Variants in KIAA1210 observed in about 807,000 individuals in gnomAD.
The protein encoded by KIAA1210 is KIAA1210.
KIAA1210 carries 48 observed loss-of-function variants against 78.9 expected under a neutral mutation model. That is an observed-to-expected ratio of 0.61 (90% confidence interval 0.48 to 0.77). KIAA1210 has a LOEUF of 0.77. KIAA1210 is among the 30% of genes least tolerant of loss of function. The pLI is 0.00. For synonymous variants in KIAA1210, 406 were observed against 404.5 expected (o/e 1.00, Z -0.04); for missense variants, 1,108 against 1,100.0 (o/e 1.01, Z -0.10).
intron 10 of KIAA1210, among the ~76,000 whole-genome samples, chrX:119,084,645 T>C (rs1471053181): frequency 9.0e-6 from 1 of 110,589 alleles, no homozygotes; most frequent in Non-Finnish European, 1.9e-5. Context: ...GGATGAGGGA[T>C]AAAATACTAT....
upstream of KIAA1210, among the ~76,000 whole-genome samples, chrX:119,129,178 A>G (rs950195758): frequency 8.9e-6 from 1 of 111,829 alleles, no homozygotes; most frequent in South Asian, 3.8e-4. Context: ...CTGTTGGATC[A>G]GATGTGGTGT....
rs767706362 is a variant in KIAA1210 at position 119,085,507 on chromosome X, T to C, written c.4196A>G (p.Glu1399Gly). 6 of 1,210,007 alleles carry C rather than the reference T, an allele frequency of 5.0e-6. No individual in the cohort carries two copies. In the East Asian group the frequency reaches 1.8e-4, roughly 36 times the overall value. Reference sequence around the variant, plus strand: ...CTTTGCCATAGTTATCCAAACCGGCTCTGAGACAGCATAATCTGACTGTTG... The same window carrying C: ...CTTTGCCATAGTTATCCAAACCGGCCCTGAGACAGCATAATCTGACTGTTG... ...AGQQSDYAVS[E>G]PVWITMAKQK... Residue 1399 changes from glutamate (E) to glycine (G), a missense_variant, in exon 10 of 12, where the codon GAG (glutamate) becomes GGG (glycine). Physicochemically the swap from Glu to Gly is moderately conservative, Grantham distance 98 (BLOSUM62 -2). Transcript: ENST00000691062.
intron 1 of KIAA1210, among the ~76,000 whole-genome samples, chrX:119,126,943 G>T: frequency 9.0e-6 from 1 of 111,274 alleles, no homozygotes; most frequent in Non-Finnish European, 1.9e-5. Context: ...ATGTGGTGGT[G>T]CATGCCTGTA....
chrX:119,106,305 A>G (rs1188140103), intron 5 of KIAA1210, among the ~76,000 whole-genome samples: 2 of 112,580 alleles, frequency 1.8e-5, no homozygotes, highest in Non-Finnish European at 3.7e-5. Context: ...GAAGCCTCAC[A>G]ACAATTCTTT....
At chrX:119,150,537 C>T (rs1465199211) in exon 1 of KIAA1210, 32 of 1,209,939 alleles carry the variant, frequency 2.6e-5, no homozygotes, top group Non-Finnish European at 3.5e-5. Flanking sequence ...AGGAGAGAAG[C>T]GTGAAAGGCA....
chrX:119,125,735 ATTT>A (rs1163974116), intron 1 of KIAA1210, among the ~76,000 whole-genome samples: 192 of 15,771 alleles, frequency 0.012, 7 homozygotes, highest in Admixed American at 0.02. Flanking sequence ...ATATATATAT[ATTT>A]TTTTTTTTTT....
chrX:119,085,413 G>C lies in KIAA1210; in HGVS notation c.4290C>G (p.Ala1430=), dbSNP rs371643117. Residue 1430 remains alanine (A), a synonymous_variant, in exon 10 of 12, where the codon GCC becomes GCG. Transcript: ENST00000691062. ...KELKTKSNAG[A]DAETKEPKYE... is the part of the protein sequence containing the mutation. The stretch of plus-strand genomic sequence containing the variant: ...ATTTAGGCTCCTTAGTCTCAGCATC[G>C]GCTCCAGCATTGCTCTTAGTTTTCA... 3 of 1,209,108 alleles carry C rather than the reference G, an allele frequency of 2.5e-6. No homozygotes were observed. The highest frequency in any genetic ancestry group is 3.5e-5 in the South Asian group (2 of 56,479).
chrX:119,140,804 G>A (rs1212868192), intron 2 of KIAA1210, among the ~76,000 whole-genome samples: 1 of 111,095 alleles, frequency 9.0e-6, no homozygotes, highest in Non-Finnish European at 1.9e-5. Flanking sequence ...GCTGGGCATG[G>A]TGGCACATGC....
chrX:119,138,225 T>G (rs886820149), intron 2 of KIAA1210, among the ~76,000 whole-genome samples: 2 of 88,703 alleles, frequency 2.3e-5, no homozygotes, highest in Admixed American at 2.4e-4. Flanking sequence ...TTTTTTTTTT[T>G]TTTTTTTTTT....
chrX:119,145,622 G>A (rs1041560749), intron 2 of KIAA1210, among the ~76,000 whole-genome samples: 1 of 111,298 alleles, frequency 9.0e-6, no homozygotes, highest in Non-Finnish European at 1.9e-5. Flanking sequence ...ACATCCAGCT[G>A]TTAAGAGAAC....
chrX:119,150,641 T>A, upstream of KIAA1210: 1 of 1,098,217 alleles, frequency 9.1e-7, no homozygotes. Context: ...AGAAGCTGGG[T>A]TGAGGACTCT....
rs1309053926 is a variant in KIAA1210, at chrX:119,082,806, C to A, written c.4426+209G>T. ...TGATGAGGCAAAAGACTGGAAGACC[C>A]TCTGAAAGTTATACACTGGACTTGT... is the stretch of plus-strand genomic sequence containing the variant. On this transcript the variant is annotated intron_variant, in intron 11 of 11. Coordinates refer to ENST00000691062, the MANE Select transcript of KIAA1210 (RefSeq NM_001394962.1). Among the ~76,000 whole-genome samples, 5 of 111,910 alleles carry A rather than the reference C, an allele frequency of 4.5e-5. No homozygotes were observed. The East Asian group carries it at 1.4e-3, about 31-fold the overall frequency.
At chrX:119,129,178 A>T (rs950195758), upstream of KIAA1210, among the ~76,000 whole-genome samples, 1 of 111,829 alleles carries the variant, frequency 8.9e-6, no homozygotes, top group African/African-American at 3.2e-5. Flanking sequence ...CTGTTGGATC[A>T]GATGTGGTGT....
intron 2 of KIAA1210, among the ~76,000 whole-genome samples, chrX:119,122,717 C>T (rs1928506456): frequency 1.8e-5 from 2 of 111,854 alleles, no homozygotes; most frequent in African/African-American, 6.5e-5. Context: ...CTTTTTCTCT[C>T]TGTCTCTCTC....
At chrX:119,085,073 A>T (rs761542272) in intron 10 of KIAA1210, among the ~76,000 whole-genome samples, 1 of 111,866 alleles carries the variant, frequency 8.9e-6, no homozygotes, top group African/African-American at 3.3e-5. Context: ...GTAAAGATGG[A>T]GTTTCAGCAT....
At chrX:119,126,658 C>T (rs1928655198) in intron 1 of KIAA1210, among the ~76,000 whole-genome samples, 2 of 112,015 alleles carry the variant, frequency 1.8e-5, no homozygotes, top group African/African-American at 6.5e-5. Flanking sequence ...CAGGAGAGCC[C>T]ACATCAATGG....
upstream of KIAA1210, among the ~76,000 whole-genome samples, chrX:119,150,815 C>G (rs1349995484): frequency 8.9e-6 from 1 of 112,811 alleles, no homozygotes; most frequent in African/African-American, 3.2e-5. Context: ...TTCCTCGCCG[C>G]CCGTTTTTGC....
intron 2 of KIAA1210, among the ~76,000 whole-genome samples, chrX:119,119,034 A>G (rs927559788): frequency 8.9e-6 from 1 of 112,297 alleles, no homozygotes. Flanking sequence ...CTTTGACTTG[A>G]GACCACTGAA....
rs61691431 is a variant in KIAA1210, at chrX:119,110,919, C to CT, written c.231-1718dup. On this transcript the variant is annotated intron_variant, in intron 3 of 11. Transcript: ENST00000691062. ...CAATAGCTATTGAATTTCATGCTGG[C>CT]TTTTTTTTTTTTTCCAGAAAATTGA... Among the ~76,000 whole-genome samples, 623 of 99,791 alleles carry CT rather than the reference C, an allele frequency of 6.2e-3. 2 individuals are homozygous for CT. Among genetic ancestry groups the CT allele is most frequent in the African/African-American group, 9.9e-3 (276 of 27,854 alleles). 86.7% of individuals were successfully genotyped at this position (99,791 alleles called of 115,157 possible). A position where few individuals can be genotyped will look rare whatever the true frequency, so the allele number is the denominator to read the frequency against.
Sources: gnomAD v4.1 joint callset for allele counts (sites outside exome capture counted in the v4.1 genomes callset) on GRCh38, gnomAD v4.1.1 for gene constraint, MANE v1.5 for transcripts, NCBI Gene and HGNC (gene_info 2026-07-23, HGNC 2026-07-21) for gene names.